DRG2: variants seen among roughly 807,000 people sequenced by gnomAD.
DRG2 encodes the protein developmentally-regulated GTP-binding protein 2.
A neutral mutation model predicts 53.4 loss-of-function variants in DRG2; 36 were observed. That is an observed-to-expected ratio of 0.67 (90% confidence interval 0.52 to 0.89). The LOEUF is 0.89. DRG2 is among the 40% of genes least tolerant of loss of function. The pLI, the probability that DRG2 is intolerant of heterozygous loss-of-function variation, is 0.00. For missense variants in DRG2, 342 were observed against 481.2 expected, an observed-to-expected ratio of 0.71 and a Z score of 2.71; for synonymous variants, 167 against 192.1, an observed-to-expected ratio of 0.87 and a Z score of 1.08.
In DRG2 at chr17:18,100,281, C is replaced by T; in HGVS notation, c.468-82C>T. 5.0e-6 allele frequency: 7 copies of T among 1,405,106 alleles called. No individual in the cohort carries two copies. In the South Asian group the frequency reaches 8.1e-5, roughly 16 times the overall value. 87.0% of individuals were successfully genotyped at this position (1,405,106 alleles called of 1,614,324 possible). A position where few individuals can be genotyped will look rare whatever the true frequency, so the allele number is the denominator to read the frequency against. ...AGGAGAGAGTCAGTCTCTGGGTGGG[C>T]AGTGACATCCTGCGTAACAGGGAAG... is the stretch of plus-strand genomic sequence containing the variant. On this transcript the variant is annotated intron_variant, in intron 5 of 12. Transcript: ENST00000225729. This position sits in a 1 kb window ranked among gnomAD's most constrained non-coding sequence, Gnocchi z 4.1.
At chr17:18,101,420 C>A in intron 7 of DRG2, 73 bp from the exon 8 acceptor site, 1 of 1,470,816 alleles carries the variant, frequency 6.8e-7, no homozygotes, top group Non-Finnish European at 9.4e-7. Flanking sequence ...TCCTGCTTGG[C>A]TTTTTGGGGC....
chr17:18,099,515 TGCTAGTATGTG>T lies in DRG2; in HGVS notation c.377-115_377-105del. ...GGATTAAAGAAAAATGCCAAGCTTG[TGCTAGTATGTG>T]GCAGAGGCTGTGGTAGGTCTGTAAA... On this transcript the variant is annotated intron_variant, in intron 4 of 12. Coordinates refer to ENST00000225729, the MANE Select transcript of DRG2 (RefSeq NM_001388.5). The surrounding 1 kb of genome is among the most constrained non-coding windows in gnomAD (Gnocchi z 4.4). The T allele has an allele frequency of 9.8e-7, 1 of 1,017,460 alleles. No individual in the cohort carries two copies. The highest frequency in any genetic ancestry group is 2.6e-5 in the East Asian group (1 of 38,326). 63.0% of individuals were successfully genotyped at this position (1,017,460 alleles called of 1,614,324 possible).
At chr17:18,102,328 G>A (rs2045552037) in intron 9 of DRG2, among the ~76,000 whole-genome samples, 1 of 152,182 alleles carries the variant, frequency 6.6e-6, no homozygotes, top group Non-Finnish European at 1.5e-5. Flanking sequence ...TGGCTAAGAG[G>A]CTTCTTAACT....
In DRG2 at chr17:18,107,550, G is replaced by T; in HGVS notation, c.*310G>T. On this transcript the variant is annotated 3_prime_UTR_variant, in exon 13 of 13. Transcript: ENST00000225729. ...GAGCAAGTTGCCCACATGCCCGCCAGCCAGGGCCTAAAGCAGATGGCATGC... is the reference window on the plus strand; with the variant it reads ...GAGCAAGTTGCCCACATGCCCGCCATCCAGGGCCTAAAGCAGATGGCATGC... The T allele has an allele frequency of 2.4e-6, 1 of 413,984 alleles. No individual in the cohort carries two copies. Among genetic ancestry groups the T allele is most frequent in the South Asian group, 2.6e-5 (1 of 38,316 alleles). 25.6% of individuals were successfully genotyped at this position (413,984 alleles called of 1,614,324 possible). A position where few individuals can be genotyped will look rare whatever the true frequency, so the allele number is the denominator to read the frequency against.
Position 18,100,736 on chromosome 17 carries a change from G to A in DRG2, c.631+77G>A. Reference sequence around the variant, plus strand: ...AGCGGGGGGACTGACTAAGACAGGAGGCCTCATGGAGCAGGGTGGCAGCAG... The same window carrying A: ...AGCGGGGGGACTGACTAAGACAGGAAGCCTCATGGAGCAGGGTGGCAGCAG... On this transcript the variant is annotated intron_variant, in intron 7 of 12. Transcript: ENST00000225729. This position sits in a 1 kb window ranked among gnomAD's most constrained non-coding sequence, Gnocchi z 4.1. 1 of 1,437,594 alleles carries A rather than the reference G, an allele frequency of 7.0e-7. No homozygotes were observed. Among genetic ancestry groups the A allele is most frequent in the Non-Finnish European group, 9.5e-7 (1 of 1,048,042 alleles). The allele number at this position is 1,437,594 out of a possible 1,614,324, so 89.1% of individuals were successfully genotyped here.
intron 2 of DRG2, among the ~76,000 whole-genome samples, chr17:18,095,056 CT>C (rs374098723): frequency 2.4e-4 from 31 of 130,232 alleles, no homozygotes; most frequent in Middle Eastern, 4.6e-3. Context: ...TATTGGTTTA[CT>C]TTTTTTTTTG....
intron 2 of DRG2, among the ~76,000 whole-genome samples, chr17:18,095,201 G>A (rs2045411289): frequency 6.6e-6 from 1 of 151,216 alleles, no homozygotes; most frequent in Non-Finnish European, 1.5e-5. Flanking sequence ...TAGTAGAGGT[G>A]GGGTTTCACC....
intron 9 of DRG2, among the ~76,000 whole-genome samples, chr17:18,102,602 CAG>C (rs1233215661): frequency 8.4e-6 from 1 of 119,390 alleles, no homozygotes; most frequent in Non-Finnish European, 1.6e-5. Context: ...GCCTGGGCGA[CAG>C]AGCAAGACTC....
chr17:18,107,116 A>G, intron 12 of DRG2, 38 bp from the exon 13 acceptor site: 2 of 1,595,758 alleles, frequency 1.3e-6, no homozygotes, highest in Non-Finnish European at 1.7e-6. Flanking sequence ...TGGCCAGTCC[A>G]GGCTGAGGTG....
In DRG2 at chr17:18,107,318, A is replaced by G; in HGVS notation, c.*78A>G. On this transcript the variant is annotated 3_prime_UTR_variant, in exon 13 of 13. Transcript: ENST00000225729. ...CCCACTGGGACACACAAACACCCAA[A>G]CAGAAAAATACAAATACACGTACCC... The G allele has an allele frequency of 7.2e-7, 1 of 1,382,748 alleles. No individual in the cohort carries two copies. The highest frequency in any genetic ancestry group is 1.0e-6 in the Non-Finnish European group (1 of 989,326). The allele number at this position is 1,382,748 out of a possible 1,614,324, so 85.7% of individuals were successfully genotyped here. A position where few individuals can be genotyped will look rare whatever the true frequency, so the allele number is the denominator to read the frequency against.
rs1052381577 is a variant in DRG2, at chr17:18,099,752, C to T, written c.467+29C>T. 1.5e-5 allele frequency: 23 copies of T among 1,577,780 alleles called. No homozygotes were observed. The Admixed American group carries it at 2.6e-4, about 18-fold the overall frequency. On this transcript the variant is annotated intron_variant, in intron 5 of 12. Transcript: ENST00000225729. This position sits in a 1 kb window ranked among gnomAD's most constrained non-coding sequence, Gnocchi z 4.4. ...CGCAGGGTGGGGCATGGGGCAGGCT[C>T]ACATGTCTGGGGAGGGCCAATGTGT...
chr17:18,089,954 GA>G (rs2045284907), intron 1 of DRG2, among the ~76,000 whole-genome samples: 1 of 152,090 alleles, frequency 6.6e-6, no homozygotes, highest in Admixed American at 6.6e-5. Flanking sequence ...TTAAGCAGGG[GA>G]GGGGCTATTC....
In DRG2 at chr17:18,098,126, T is replaced by A. The variant is rs1597722940; in HGVS notation, c.226-144T>A. 1.6e-6 allele frequency: 1 copy of A among 643,428 alleles called. No individual in the cohort carries two copies. The allele number at this position is 643,428 out of a possible 1,614,324, so 39.9% of individuals were successfully genotyped here. ...AGAGGTGAGCCCTCTGGCTGGGAGGTCTCTTCACAGCCACCTAGGTCACCA... is the reference window on the plus strand; with the variant it reads ...AGAGGTGAGCCCTCTGGCTGGGAGGACTCTTCACAGCCACCTAGGTCACCA... On this transcript the variant is annotated intron_variant, in intron 2 of 12. Transcript: ENST00000225729. The surrounding 1 kb of genome is among the most constrained non-coding windows in gnomAD (Gnocchi z 4.1).
Position 18,107,581 on chromosome 17 carries a change from G to A in DRG2, c.*341G>A. The A allele has an allele frequency of 6.6e-6, 2 of 303,874 alleles. No homozygotes were observed. Among genetic ancestry groups the A allele is most frequent in the African/African-American group, 2.1e-5 (1 of 47,290 alleles). The allele number at this position is 303,874 out of a possible 1,614,324, so 18.8% of individuals were successfully genotyped here. A position where few individuals can be genotyped will look rare whatever the true frequency, so the allele number is the denominator to read the frequency against. ...GCCTAAAGCAGATGGCATGCTCAGT[G>A]CCAGGCTGGTAGCTGGGCCTGTTTG... On this transcript the variant is annotated 3_prime_UTR_variant, in exon 13 of 13. Transcript: ENST00000225729.
rs2045481784 is a variant in DRG2 at position 18,099,102 on chromosome 17, G to A, written c.376+25G>A. 3 of 1,613,742 alleles carry A rather than the reference G, an allele frequency of 1.9e-6. No homozygotes were observed. The highest frequency in any genetic ancestry group is 1.7e-6 in the Non-Finnish European group (2 of 1,179,964). On this transcript the variant is annotated intron_variant, in intron 4 of 12. Coordinates refer to ENST00000225729, the MANE Select transcript of DRG2 (RefSeq NM_001388.5). The surrounding 1 kb of genome is among the most constrained non-coding windows in gnomAD (Gnocchi z 4.4). ...GGTGGGAGGCAGGGCAGGTGTGTGGGAAGCAGACTGGAGCTCTGTTACTGA... is the reference window on the plus strand; with the variant it reads ...GGTGGGAGGCAGGGCAGGTGTGTGGAAAGCAGACTGGAGCTCTGTTACTGA...
rs1464560566 is a variant in DRG2 at position 18,100,759 on chromosome 17, C to G, written c.631+100C>G. On this transcript the variant is annotated intron_variant, in intron 7 of 12. Transcript: ENST00000225729. This position sits in a 1 kb window ranked among gnomAD's most constrained non-coding sequence, Gnocchi z 4.1. The stretch of plus-strand genomic sequence containing the variant: ...GAGGCCTCATGGAGCAGGGTGGCAG[C>G]AGGTCACCCCCACTGCCCCTGCTGT... 3 of 1,177,846 alleles carry G rather than the reference C, an allele frequency of 2.5e-6. No individual in the cohort carries two copies. Among genetic ancestry groups the G allele is most frequent in the Non-Finnish European group, 2.4e-6 (2 of 819,740 alleles). 73.0% of individuals were successfully genotyped at this position (1,177,846 alleles called of 1,614,324 possible).
In DRG2 at chr17:18,100,680, C is replaced by T. The variant is rs368366448; in HGVS notation, c.631+21C>T. The T allele has an allele frequency of 3.7e-5, 60 of 1,605,286 alleles. No homozygotes were observed. Among genetic ancestry groups the T allele is most frequent in the Middle Eastern group, 1.7e-4 (1 of 6,054 alleles). On this transcript the variant is annotated intron_variant, in intron 7 of 12. Transcript: ENST00000225729. The surrounding 1 kb of genome is among the most constrained non-coding windows in gnomAD (Gnocchi z 4.1). ...ATACAGTATCCTTCCCTGAAAGACA[C>T]GTGAAGGAGGGCAGCCACCACCGTC...
intron 1 of DRG2, among the ~76,000 whole-genome samples, chr17:18,092,847 A>G (rs1567599431): frequency 6.6e-6 from 1 of 152,196 alleles, no homozygotes; most frequent in Non-Finnish European, 1.5e-5. Flanking sequence ...TTGGCCACTG[A>G]GTTACACCCC....
chr17:18,100,156 C>A lies in DRG2; in HGVS notation c.468-207C>A. On this transcript the variant is annotated intron_variant, in intron 5 of 12. Transcript: ENST00000225729. The surrounding 1 kb of genome is among the most constrained non-coding windows in gnomAD (Gnocchi z 4.1). Reference sequence around the variant, plus strand: ...TTGCCTGTGCATGCCGACCGTAAACCGGGCCAGTCCCCTCTGGGACTGTGG... The same window carrying A: ...TTGCCTGTGCATGCCGACCGTAAACAGGGCCAGTCCCCTCTGGGACTGTGG... The A allele has an allele frequency of 1.6e-6, 1 of 618,212 alleles. No individual in the cohort carries two copies. The highest frequency in any genetic ancestry group is 2.8e-6 in the Non-Finnish European group (1 of 351,550). The allele number at this position is 618,212 out of a possible 1,614,324, so 38.3% of individuals were successfully genotyped here.
Sources: gnomAD v4.1 joint callset for allele counts (sites outside exome capture counted in the v4.1 genomes callset) on GRCh38, gnomAD v4.1.1 for gene constraint, Gnocchi (gnomAD v3.1) non-coding constraint, MANE v1.5 for transcripts, NCBI Gene and HGNC (gene_info 2026-07-23, HGNC 2026-07-21) for gene names.